POLN: variants seen among roughly 807,000 people sequenced by gnomAD.
The protein encoded by POLN is DNA polymerase nu, also known as DNA polymerase N.
A neutral mutation model predicts 113.5 loss-of-function variants in POLN; 108 were observed. That is an observed-to-expected ratio of 0.95 (90% CI 0.81 to 1.12). The LOEUF is 1.12. Ranked by LOEUF, POLN falls within the 50% of genes most tolerant of loss-of-function variation. POLN has a pLI of 0.00. For synonymous variants in POLN, 386 were observed against 391.5 expected (o/e 0.99, Z 0.17); for missense variants, 1,097 against 1,077.1 (o/e 1.02, Z -0.26).
chr4:2,206,367 G>A (rs1346311958), intron 5 of POLN, among the ~76,000 whole-genome samples: 1 of 152,156 alleles, frequency 6.6e-6, no homozygotes, highest in Non-Finnish European at 1.5e-5. Context: ...GAACCCAAAA[G>A]CAAATGTAAT....
intron 19 of POLN, among the ~76,000 whole-genome samples, chr4:2,124,450 A>T (rs192943693): frequency 0.018 from 2,794 of 151,896 alleles, 95 homozygotes; most frequent in African/African-American, 0.06. Flanking sequence ...TTAAAAAAAA[A>T]TTTTTTTTGT....
intron 19 of POLN, among the ~76,000 whole-genome samples, chr4:2,105,840 ATGATGATGG>A (rs1027404386): frequency 4.0e-4 from 61 of 151,060 alleles, no homozygotes; most frequent in African/African-American, 1.4e-3. Flanking sequence ...GATGATGATG[ATGATGATGG>A]TGATGATAAA....
At chr4:2,196,431 T>C (rs1019055907) in intron 6 of POLN, among the ~76,000 whole-genome samples, 1 of 151,940 alleles carries the variant, frequency 6.6e-6, no homozygotes, top group East Asian at 1.9e-4. Context: ...GGCAAACAAA[T>C]GAATCCAGGA....
In POLN at chr4:2,156,374, G is replaced by A. The variant is rs1561049045; in HGVS notation, c.1731+414C>T. ...CATCATAAGTTCAAGGGAATTTAGA[G>A]CTTTTTTTTTTTTTTTCTTCATCAG... is the stretch of plus-strand genomic sequence containing the variant. On this transcript the variant is annotated intron_variant, in intron 16 of 25. Transcript: ENST00000511885. 1.4e-5 allele frequency: 5 copies of A among 363,018 alleles called. No homozygotes were observed. In the Admixed American group the frequency reaches 1.7e-4, roughly 13 times the overall value. 22.5% of individuals were successfully genotyped at this position (363,018 alleles called of 1,614,324 possible). A position where few individuals can be genotyped will look rare whatever the true frequency, so the allele number is the denominator to read the frequency against.
chr4:2,238,455 AG>A (rs1734844457), intron 2 of POLN: 1 of 502,506 alleles, frequency 2.0e-6, no homozygotes, highest in Non-Finnish European at 3.5e-6. Context: ...GAAAAAAAAA[AG>A]GCATATGAAA....
rs577204361 is a variant in POLN at position 2,127,663 on chromosome 4, C to G, written c.1982+450G>C. 5.9e-5 allele frequency among the ~76,000 whole-genome samples: 9 copies of G among 152,228 alleles called. No individual in the cohort carries two copies. The highest frequency in any genetic ancestry group is 1.3e-4 in the Non-Finnish European group (9 of 68,036). Reference sequence around the variant, plus strand: ...CCCAACAAAACCCGAGCCCATCTGCCTCTGGAATTCTCTGTGAGTGTAAGC... The same window carrying G: ...CCCAACAAAACCCGAGCCCATCTGCGTCTGGAATTCTCTGTGAGTGTAAGC... On this transcript the variant is annotated intron_variant, in intron 19 of 25. Transcript: ENST00000511885. The surrounding 1 kb of genome is among the most constrained non-coding windows in gnomAD (Gnocchi z 4.7).
At chr4:2,159,971 G>A (rs1452698540) in intron 13 of POLN, among the ~76,000 whole-genome samples, 5 of 152,212 alleles carry the variant, frequency 3.3e-5, no homozygotes, top group Non-Finnish European at 5.9e-5. Context: ...TATGTTCACA[G>A]TTCTGTGGAA....
intron 16 of POLN, 35 bp downstream of exon 16, chr4:2,156,753 G>A (rs1283148082): frequency 6.4e-7 from 1 of 1,559,378 alleles, no homozygotes; most frequent in Non-Finnish European, 8.8e-7. Context: ...GCAGGAAAAT[G>A]GCGTTTAACA....
At position 2,208,274 on chromosome 4, in the gene POLN, T is replaced by A. The variant is rs1733904789; in HGVS notation, c.427A>T (p.Asn143Tyr). Residue 143 changes from asparagine (N) to tyrosine (Y), a missense_variant, in exon 5 of 26, where the codon AAT becomes TAT. Asn to Tyr is a moderately radical substitution (Grantham distance 143). Coordinates refer to ENST00000511885, the MANE Select transcript of POLN (RefSeq NM_181808.4). Reference sequence around the variant, plus strand: ...CTTCCTTTATTTTCATTATTTATATTCTCCATTAGGAAATGCTTTCTTTTA... The same window carrying A: ...CTTCCTTTATTTTCATTATTTATATACTCCATTAGGAAATGCTTTCTTTTA... ...GHKRKHFLME[N>Y]INNENKGSIN... is the part of the protein sequence containing the mutation. The A allele has an allele frequency of 6.3e-7, 1 of 1,589,614 alleles. No homozygotes were observed. The highest frequency in any genetic ancestry group is 2.2e-5 in the East Asian group (1 of 44,760).
At chr4:2,217,144 C>G (rs1033672316) in intron 3 of POLN, among the ~76,000 whole-genome samples, 7 of 152,190 alleles carry the variant, frequency 4.6e-5, no homozygotes, top group Non-Finnish European at 8.8e-5. Flanking sequence ...TTCCAGGTAC[C>G]TGAGCAACCT....
At chr4:2,214,908 T>TATACAC (rs1360952822) in intron 3 of POLN, among the ~76,000 whole-genome samples, 8 of 151,282 alleles carry the variant, frequency 5.3e-5, no homozygotes, top group African/African-American at 1.7e-4. Flanking sequence ...TATATATGTA[T>TATACAC]ATACATATAC....
At chr4:2,191,275 C>A (rs533176515) in intron 7 of POLN, among the ~76,000 whole-genome samples, 1 of 152,038 alleles carries the variant, frequency 6.6e-6, no homozygotes, top group Non-Finnish European at 1.5e-5. Context: ...TATGTAGGAG[C>A]TGAGAAAGCA....
intron 7 of POLN, among the ~76,000 whole-genome samples, chr4:2,189,856 C>T (rs1560087948): frequency 1.3e-5 from 2 of 151,662 alleles, no homozygotes; most frequent in Non-Finnish European, 2.9e-5. Flanking sequence ...TGGTGAAACC[C>T]CGTCTCTACT....
chr4:2,232,100 TGAG>T (rs780852306), intron 2 of POLN: 70 of 1,602,858 alleles, frequency 4.4e-5, no homozygotes, highest in African/African-American at 1.2e-4. Flanking sequence ...AGAATATCAG[TGAG>T]GAGATGATTT....
intron 23 of POLN, 98 bp from the exon 24 acceptor site, chr4:2,075,617 A>G: frequency 1.4e-5 from 19 of 1,322,862 alleles, no homozygotes; most frequent in Non-Finnish European, 2.1e-5. Context: ...GGAGGCCAGG[A>G]CTGTGAGGCG....
rs527627585 is a variant in POLN, at chr4:2,201,743, T to C, written c.715-3026A>G. ...GCAAAAAGATCATTGACTAGGCACA[T>C]TGTCATCAGTTTATCCAAAGTTAAG... On this transcript the variant is annotated intron_variant, in intron 5 of 25. Coordinates refer to ENST00000511885, the MANE Select transcript of POLN (RefSeq NM_181808.4). Among the ~76,000 whole-genome samples the C allele has an allele frequency of 8.5e-5, 13 of 152,292 alleles. No individual in the cohort carries two copies. The South Asian group carries it at 1.2e-3, about 15-fold the overall frequency.
At chr4:2,084,065 G>A (rs943405690) in intron 21 of POLN, among the ~76,000 whole-genome samples, 1 of 152,178 alleles carries the variant, frequency 6.6e-6, no homozygotes, top group South Asian at 2.1e-4. Context: ...TGGCTCCTGA[G>A]CTTTTGATGC....
chr4:2,237,511 G>T (rs1212444137), intron 2 of POLN, among the ~76,000 whole-genome samples: 1 of 151,870 alleles, frequency 6.6e-6, no homozygotes, highest in African/African-American at 2.4e-5. Context: ...GAAGGGAAAG[G>T]AAGGAAAGGA....
At chr4:2,110,567 G>A (rs1731167162) in intron 19 of POLN, among the ~76,000 whole-genome samples, 1 of 152,068 alleles carries the variant, frequency 6.6e-6, no homozygotes, top group African/African-American at 2.4e-5. Flanking sequence ...TATCACCACC[G>A]ATCCCACAGA....
Sources: allele counts gnomAD v4.1 joint callset (sites outside exome capture counted in the v4.1 genomes callset), GRCh38; gene constraint gnomAD v4.1.1; non-coding constraint Gnocchi (gnomAD v3.1); transcripts MANE v1.5; gene names NCBI Gene and HGNC (gene_info 2026-07-23, HGNC 2026-07-21).